Variants in MOV10 observed in about 807,000 individuals in gnomAD.
MOV10 encodes the protein RNA helicase MOV-10.
In MOV10, 39 loss-of-function variants were observed where a neutral mutation model predicts 108.4. The observed-to-expected ratio is 0.36, with a 90% CI of 0.28 to 0.47. The LOEUF (loss-of-function observed/expected upper bound fraction) is 0.47, where lower values mean the gene tolerates loss of function less well. Among genes scored for constraint, MOV10 ranks in the 20% least tolerant of loss-of-function variants. MOV10 has a pLI of 1.00. For missense variants in MOV10, 952 were observed against 1,297.6 expected (o/e 0.73, Z 4.09); for synonymous variants, 490 against 523.1 (o/e 0.94, Z 0.86).
intron 11 of MOV10, 89 bp from the exon 12 acceptor site, chr1:112,696,059 A>G: frequency 1.1e-6 from 1 of 872,408 alleles, no homozygotes; most frequent in African/African-American, 1.7e-5. Flanking sequence ...AAATAAAAAT[A>G]ATTGTTTGAG....
chr1:112,676,034 G>A (rs1570741945), intron 2 of MOV10, among the ~76,000 whole-genome samples: 1 of 152,178 alleles, frequency 6.6e-6, no homozygotes, highest in South Asian at 2.1e-4. Flanking sequence ...GAAAAGGGTA[G>A]AGACTCTCCA....
chr1:112,686,882 T>C, intron 2 of MOV10: 1 of 455,358 alleles, frequency 2.2e-6, no homozygotes, highest in South Asian at 1.6e-5. Context: ...TCTGTATCTC[T>C]ACCCACTGCC....
chr1:112,696,885 C>T (rs774296796), intron 14 of MOV10, 39 bp downstream of exon 14: 1 of 1,497,368 alleles, frequency 6.7e-7, no homozygotes, highest in Non-Finnish European at 9.1e-7. Flanking sequence ...ATATCCTATG[C>T]TTTCACATCC....
intron 2 of MOV10, among the ~76,000 whole-genome samples, chr1:112,687,568 G>A (rs1673174965): frequency 6.6e-6 from 1 of 152,242 alleles, no homozygotes; most frequent in Non-Finnish European, 1.5e-5. Context: ...CAGACATGCA[G>A]AGTCAAGTCC....
chr1:112,697,687 A>G (rs182461660), intron 14 of MOV10, among the ~76,000 whole-genome samples: 4 of 152,206 alleles, frequency 2.6e-5, no homozygotes, highest in African/African-American at 7.2e-5. Context: ...CGTGATAGTC[A>G]AGGAGAATTT....
Position 112,675,112 on chromosome 1 carries a change from C to T in MOV10, c.137+63C>T. On this transcript the variant is annotated intron_variant, in intron 2 of 20. Transcript: ENST00000369645. The surrounding 1 kb of genome is among the most constrained non-coding windows in gnomAD (Gnocchi z 4.7). ...CCAGCTTGCTGCCACGACCCCCGCGCGAGGGCCACCTTTCCCGCCCCGGGG... is the reference window on the plus strand; with the variant it reads ...CCAGCTTGCTGCCACGACCCCCGCGTGAGGGCCACCTTTCCCGCCCCGGGG... 3.9e-6 allele frequency: 6 copies of T among 1,554,828 alleles called. No homozygotes were observed. The highest frequency in any genetic ancestry group is 4.3e-6 in the Non-Finnish European group (5 of 1,153,420).
intron 2 of MOV10, among the ~76,000 whole-genome samples, chr1:112,680,579 C>T (rs937692756): frequency 1.4e-5 from 2 of 145,328 alleles, no homozygotes; most frequent in African/African-American, 5.2e-5. Flanking sequence ...TGGCCTGAAC[C>T]CGGGAGGCGG....
At chr1:112,698,142 G>A in intron 15 of MOV10, 31 bp downstream of exon 15, 4 of 1,604,634 alleles carry the variant, frequency 2.5e-6, no homozygotes, top group Non-Finnish European at 3.4e-6. Context: ...CCCCACCCCT[G>A]TACCCTGACT....
Position 112,694,436 on chromosome 1 carries a change from CCT to C in MOV10, c.1296-10_1296-9del. 6.2e-7 allele frequency: 1 copy of C among 1,613,790 alleles called. No homozygotes were observed. Among genetic ancestry groups the C allele is most frequent in the South Asian group, 1.1e-5 (1 of 91,064 alleles). The stretch of plus-strand genomic sequence containing the variant: ...CCCCTGCCCCAACAAACTCTTACCA[CCT>C]CTCTCTGCCCAAAGCCTCCTGAGCC... On this transcript the variant is annotated splice_polypyrimidine_tract_variant and intron_variant, in intron 8 of 20. Transcript: ENST00000369645. The surrounding 1 kb of genome is among the most constrained non-coding windows in gnomAD (Gnocchi z 4.1).
At chr1:112,699,550 G>T in intron 17 of MOV10, 135 bp from the exon 18 acceptor site, 1 of 1,506,636 alleles carries the variant, frequency 6.6e-7, no homozygotes, top group Non-Finnish European at 8.8e-7. Context: ...GGGCCGTGTC[G>T]CAGCACTGGT....
At position 112,674,932 on chromosome 1, in the gene MOV10, G is replaced by T; in HGVS notation, c.20G>T (p.Cys7Phe). Residue 7 changes from cysteine (C) to phenylalanine (F), a missense_variant, in exon 2 of 21, where the codon TGC (cysteine) becomes TTC (phenylalanine). Physicochemically the swap from Cys to Phe is radical, Grantham distance 205. Around this residue, in one of 5 missense-constraint regions of MOV10, gnomAD observed 374 missense variants for 468.6 expected, o/e 0.80. Coordinates refer to ENST00000369645, the MANE Select transcript of MOV10 (RefSeq NM_001321324.2). ...GCCGCGATGCCCAGTAAGTTCAGCTGCCGGCAGCTCCGGGAGGCGGGCCAG... is the reference window on the plus strand; with the variant it reads ...GCCGCGATGCCCAGTAAGTTCAGCTTCCGGCAGCTCCGGGAGGCGGGCCAG... Reference protein sequence around the residue: MPSKFSCRQLREAGQCF... With the variant: MPSKFSFRQLREAGQCF... The T allele has an allele frequency of 6.3e-7, 1 of 1,585,934 alleles. No homozygotes were observed.
chr1:112,696,082 C>T (rs1222371039), intron 11 of MOV10, 66 bp from the exon 12 acceptor site: 2 of 1,091,514 alleles, frequency 1.8e-6, no homozygotes, highest in East Asian at 2.4e-5. Flanking sequence ...GGGGTACCCA[C>T]AGCCAGAATC....
At chr1:112,696,106 G>C (rs1327472122) in intron 11 of MOV10, 42 bp from the exon 12 acceptor site, 1 of 1,378,690 alleles carries the variant, frequency 7.3e-7, no homozygotes, top group Middle Eastern at 1.8e-4. Context: ...GTGGGAATGA[G>C]TGGAGCCAAG....
Position 112,689,123 on chromosome 1 carries a change from A to G in MOV10, c.326A>G (p.Lys109Arg), listed in dbSNP as rs1272791331. 1 of 1,603,578 alleles carries G rather than the reference A, an allele frequency of 6.2e-7. No individual in the cohort carries two copies. The highest frequency in any genetic ancestry group is 8.5e-7 in the Non-Finnish European group (1 of 1,175,200). Residue 109 changes from lysine to arginine, a missense_variant, in exon 3 of 21, where the codon AAG becomes AGG. Physicochemically the swap from Lys to Arg is conservative, Grantham distance 26 (BLOSUM62 2). Coordinates refer to ENST00000369645, the MANE Select transcript of MOV10 (RefSeq NM_001321324.2). ...AAACACCACAAGTCACTGCTAGCCAAGATCTTTTATGACAGGTGTGTGTGT... is the reference window on the plus strand; with the variant it reads ...AAACACCACAAGTCACTGCTAGCCAGGATCTTTTATGACAGGTGTGTGTGT... ...ISKHHKSLLA[K>R]IFYDRAEYLH... is the part of the protein sequence containing the mutation.
intron 7 of MOV10, 79 bp downstream of exon 7, chr1:112,693,008 A>G: frequency 7.3e-7 from 1 of 1,369,606 alleles, no homozygotes; most frequent in Non-Finnish European, 1.0e-6. Flanking sequence ...TATTCCTGAC[A>G]GCAGGGCAGA....
intron 2 of MOV10, among the ~76,000 whole-genome samples, chr1:112,678,327 T>C (rs912323525): frequency 1.3e-5 from 2 of 152,142 alleles, no homozygotes; most frequent in African/African-American, 4.8e-5. Flanking sequence ...AGATGATTCT[T>C]GCTTTGGACA....
intron 2 of MOV10, among the ~76,000 whole-genome samples, chr1:112,677,246 G>A (rs1672268474): frequency 6.6e-6 from 1 of 152,152 alleles, no homozygotes. Context: ...AAATCAGACA[G>A]TACAAGGTAA....
chr1:112,678,054 G>A (rs548829434), intron 2 of MOV10, among the ~76,000 whole-genome samples: 1 of 152,088 alleles, frequency 6.6e-6, no homozygotes, highest in African/African-American at 2.4e-5. Context: ...TAGTAATGGT[G>A]TTTAGATAGC....
At chr1:112,695,330 A>G in intron 10 of MOV10, 86 bp from the exon 11 acceptor site, 1 of 1,368,998 alleles carries the variant, frequency 7.3e-7, no homozygotes, top group Non-Finnish European at 1.0e-6. Context: ...TTCACATTTC[A>G]GTCATCATAG....
Sources: allele counts gnomAD v4.1 joint callset (sites outside exome capture counted in the v4.1 genomes callset), GRCh38; gene constraint gnomAD v4.1.1; regional missense constraint gnomAD v4.1.1; non-coding constraint Gnocchi (gnomAD v3.1); transcripts MANE v1.5; gene names NCBI Gene and HGNC (gene_info 2026-07-23, HGNC 2026-07-21).